Variants in DCDC1 observed in about 807,000 individuals in gnomAD.
DCDC1 encodes the protein doublecortin domain containing 1.
DCDC1 carries 200 observed loss-of-function variants against 178.3 expected under a neutral mutation model. That is an observed-to-expected ratio of 1.12 (90% CI 1.00 to 1.26). The LOEUF is 1.26. Among genes scored for constraint, DCDC1 ranks in the 50% most tolerant of loss-of-function variants. DCDC1 has a pLI of 0.00. For synonymous variants in DCDC1, 690 were observed against 604.8 expected (o/e 1.14, Z -2.07); for missense variants, 1,983 against 1,749.2 (o/e 1.13, Z -2.38).
At chr11:30,937,044 G>C (rs989733545) in intron 21 of DCDC1, among the ~76,000 whole-genome samples, 1 of 151,960 alleles carries the variant, frequency 6.6e-6, no homozygotes, top group Non-Finnish European at 1.5e-5. Context: ...CTATTAGGAG[G>C]CTCATCATTA....
intron 3 of DCDC1, among the ~76,000 whole-genome samples, chr11:31,308,532 T>A (rs1948591632): frequency 6.6e-6 from 1 of 152,130 alleles, no homozygotes; most frequent in African/African-American, 2.4e-5. Context: ...CTCATCTCTG[T>A]TCAGGACTAT....
chr11:30,937,568 T>C (rs538354681), intron 21 of DCDC1, among the ~76,000 whole-genome samples: 1 of 152,274 alleles, frequency 6.6e-6, no homozygotes, highest in Admixed American at 6.5e-5. Context: ...CCTCATCTCC[T>C]TCGAGGGAGA....
At chr11:30,987,194 T>C (rs779830418) in intron 20 of DCDC1, among the ~76,000 whole-genome samples, 5 of 152,058 alleles carry the variant, frequency 3.3e-5, no homozygotes, top group African/African-American at 4.8e-5. Flanking sequence ...TTTTTGTATT[T>C]TTAGTAGAGG....
chr11:31,047,146 C>A (rs1304855946), intron 20 of DCDC1, among the ~76,000 whole-genome samples: 6 of 152,048 alleles, frequency 3.9e-5, no homozygotes, highest in African/African-American at 1.4e-4. Flanking sequence ...TTCCAAGTTT[C>A]TATCTGTTGT....
chr11:30,987,576 A>G (rs572745832), intron 20 of DCDC1, among the ~76,000 whole-genome samples: 249 of 152,286 alleles, frequency 1.6e-3, no homozygotes, highest in Non-Finnish European at 2.8e-3. Context: ...AGTCATCAGG[A>G]AAAACCTCTC....
chr11:30,927,952 T>G (rs1009507710), intron 22 of DCDC1, among the ~76,000 whole-genome samples: 38 of 152,266 alleles, frequency 2.5e-4, no homozygotes, highest in African/African-American at 8.2e-4. Context: ...TAAAAAAAAT[T>G]ACAACATATT....
intron 9 of DCDC1, among the ~76,000 whole-genome samples, chr11:31,213,931 T>A (rs1973195623): frequency 1.3e-5 from 2 of 152,110 alleles, no homozygotes; most frequent in South Asian, 4.1e-4. Context: ...TACACATACA[T>A]ATATATATGA....
At chr11:31,144,491 T>G (rs1291040607) in intron 9 of DCDC1, among the ~76,000 whole-genome samples, 1 of 152,152 alleles carries the variant, frequency 6.6e-6, no homozygotes, top group Non-Finnish European at 1.5e-5. Context: ...TTCCTCTACA[T>G]AGTTGTAGCA....
intron 15 of DCDC1, among the ~76,000 whole-genome samples, chr11:31,094,952 C>T (rs1397426992): frequency 6.6e-6 from 1 of 152,152 alleles, no homozygotes; most frequent in Non-Finnish European, 1.5e-5. Context: ...TAGCTCCCCA[C>T]CCACTGACAG....
chr11:30,922,371 T>G, intron 24 of DCDC1, 132 bp downstream of exon 24: 1 of 1,073,088 alleles, frequency 9.3e-7, no homozygotes, highest in Non-Finnish European at 1.2e-6. Flanking sequence ...ATAATTTAGT[T>G]TAAAGAGTTA....
intron 9 of DCDC1, among the ~76,000 whole-genome samples, chr11:31,172,805 C>G (rs1045606506): frequency 3.9e-5 from 6 of 152,170 alleles, no homozygotes; most frequent in Admixed American, 3.3e-4. Flanking sequence ...AGGAGGAGGA[C>G]AAGAGGTTCA....
At chr11:30,899,261 T>A (rs1028928664) in intron 34 of DCDC1, among the ~76,000 whole-genome samples, 2 of 152,204 alleles carry the variant, frequency 1.3e-5, no homozygotes, top group Admixed American at 1.3e-4. Context: ...TGAGGTAGTT[T>A]CTCTTGCCCA....
chr11:31,172,087 A>C (rs1967316737), intron 9 of DCDC1, among the ~76,000 whole-genome samples: 1 of 152,174 alleles, frequency 6.6e-6, no homozygotes. Context: ...ACAGATTTCC[A>C]TTATGTTACA....
At chr11:30,917,361 A>G (rs1292224842) in intron 25 of DCDC1, among the ~76,000 whole-genome samples, 1 of 152,188 alleles carries the variant, frequency 6.6e-6, no homozygotes, top group African/African-American at 2.4e-5. Context: ...TGAACATGTA[A>G]TGAGACTCCC....
In DCDC1 at chr11:31,142,923, GGGA is replaced by G. The variant is rs1424777656; in HGVS notation, c.1222-5142_1222-5140del. On this transcript the variant is annotated intron_variant, in intron 9 of 38. Transcript: ENST00000684477. ...TGTAGCTGTGGGCAAGGAGGGTATT[GGGA>G]ACCTGAGCTGAACCAAATTGATCGC... Among the ~76,000 whole-genome samples, 6 of 152,106 alleles carry G rather than the reference GGGA, an allele frequency of 3.9e-5. No individual in the cohort carries two copies. In the East Asian group the frequency reaches 1.2e-3, roughly 29 times the overall value.
intron 9 of DCDC1, among the ~76,000 whole-genome samples, chr11:31,181,142 C>T (rs143323696): frequency 3.0e-4 from 46 of 152,284 alleles, no homozygotes; most frequent in East Asian, 1.2e-3. Context: ...AGCAAAGCCA[C>T]GGTGGCCAGA....
At chr11:31,023,043 C>A (rs1281945262) in intron 20 of DCDC1, among the ~76,000 whole-genome samples, 1 of 151,900 alleles carries the variant, frequency 6.6e-6, no homozygotes, top group South Asian at 2.1e-4. Flanking sequence ...TCATCAGTAC[C>A]ACACAGCAAA....
intron 9 of DCDC1, among the ~76,000 whole-genome samples, chr11:31,218,772 T>C (rs564733581): frequency 6.6e-6 from 1 of 152,310 alleles, no homozygotes; most frequent in South Asian, 2.1e-4. Context: ...CTTGAAGCTT[T>C]CTACCTTCAT....
chr11:31,036,207 G>A (rs1193586414), intron 20 of DCDC1, among the ~76,000 whole-genome samples: 1 of 152,182 alleles, frequency 6.6e-6, no homozygotes, highest in African/African-American at 2.4e-5. Context: ...TAGCTGGCAA[G>A]AGATAGGCAT....
Sources: gnomAD v4.1 joint callset for allele counts (sites outside exome capture counted in the v4.1 genomes callset) on GRCh38, gnomAD v4.1.1 for gene constraint, MANE v1.5 for transcripts, NCBI Gene and HGNC (gene_info 2026-07-23, HGNC 2026-07-21) for gene names.